PEX2: variants seen among roughly 807,000 people sequenced by gnomAD.
PEX2 encodes peroxisomal biogenesis factor 2.
In PEX2, 19 loss-of-function variants were observed where a neutral mutation model predicts 25.2. The observed-to-expected ratio is 0.75, with a 90% CI of 0.53 to 1.10. The LOEUF (loss-of-function observed/expected upper bound fraction) is 1.10, where lower values mean the gene tolerates loss of function less well. PEX2 is among the 50% of genes least tolerant of loss of function. The pLI is 0.00. For missense variants in PEX2, 347 were observed against 350.6 expected (o/e 0.99, Z 0.08); for synonymous variants, 141 against 127.7 (o/e 1.10, Z -0.70).
At position 76,981,106 on chromosome 8, in the gene PEX2, C is replaced by T. The variant is rs1806809537; in HGVS notation, c.*2155G>A. On this transcript the variant is annotated 3_prime_UTR_variant, in exon 4 of 4. Coordinates refer to ENST00000357039, the MANE Select transcript of PEX2 (RefSeq NM_000318.3). ...TATTCACAACAGAAAGTGAAAAGAA[C>T]CTAAATGCTCTATGATGGTGGTTAA... is the stretch of plus-strand genomic sequence containing the variant. 1 of 152,164 alleles carries T rather than the reference C, an allele frequency of 6.6e-6. No individual in the cohort carries two copies. Among genetic ancestry groups the T allele is most frequent in the African/African-American group, 2.4e-5 (1 of 41,420 alleles). The allele number at this position is 152,164 out of a possible 1,614,324, so 9.4% of individuals were successfully genotyped here.
chr8:76,999,433 C>G (rs1053648765), intron 1 of PEX2, among the ~76,000 whole-genome samples: 3 of 152,174 alleles, frequency 2.0e-5, no homozygotes, highest in African/African-American at 7.2e-5. Context: ...GATTTCTTAT[C>G]AAAAGTCAAC....
chr8:76,989,187 A>C (rs1807092544), intron 1 of PEX2, among the ~76,000 whole-genome samples: 3 of 151,996 alleles, frequency 2.0e-5, no homozygotes, highest in Non-Finnish European at 4.4e-5. Context: ...TTCAAAAAAA[A>C]AAAAAGAGGG....
In PEX2 at chr8:76,982,930, C is replaced by T; in HGVS notation, c.*331G>A. On this transcript the variant is annotated 3_prime_UTR_variant, in exon 4 of 4. Coordinates refer to ENST00000357039, the MANE Select transcript of PEX2 (RefSeq NM_000318.3). ...TAAATGCACACTCATCCCAGAGTCTCCAAAATCTTTATCTTTAGAATCCAA... is the reference window on the plus strand; with the variant it reads ...TAAATGCACACTCATCCCAGAGTCTTCAAAATCTTTATCTTTAGAATCCAA... 7.8e-6 allele frequency: 3 copies of T among 382,666 alleles called. No homozygotes were observed. The highest frequency in any genetic ancestry group is 1.4e-5 in the Non-Finnish European group (3 of 220,768). The allele number at this position is 382,666 out of a possible 1,614,324, so 23.7% of individuals were successfully genotyped here.
chr8:76,993,445 T>C (rs1412815152), intron 1 of PEX2, among the ~76,000 whole-genome samples: 1 of 152,126 alleles, frequency 6.6e-6, no homozygotes, highest in Non-Finnish European at 1.5e-5. Context: ...ATACTATCCT[T>C]TCACATTTTT....
At position 76,983,229 on chromosome 8, in the gene PEX2, ATTT is replaced by A; in HGVS notation, c.*29_*31del. On this transcript the variant is annotated 3_prime_UTR_variant, in exon 4 of 4. Coordinates refer to ENST00000357039, the MANE Select transcript of PEX2 (RefSeq NM_000318.3). Reference sequence around the variant, plus strand: ...AATATTAAGAATTTAAACACGGTGCATTTTTTTCCTCAAAGGAAGCAATTTTAG... The same window carrying A: ...AATATTAAGAATTTAAACACGGTGCATTTTCCTCAAAGGAAGCAATTTTAG... The A allele has an allele frequency of 6.2e-7, 1 of 1,606,176 alleles. No individual in the cohort carries two copies.
intron 2 of PEX2, among the ~76,000 whole-genome samples, chr8:76,987,310 C>T (rs1417162877): frequency 2.0e-5 from 3 of 152,108 alleles, no homozygotes; most frequent in Admixed American, 2.0e-4. Flanking sequence ...GAGAAGGCTT[C>T]CTGGGAGAGG....
At position 76,980,767 on chromosome 8, in the gene PEX2, CA is replaced by C. The variant is rs1806794754; in HGVS notation, c.*2493del. ...CGACTCAGAGTAATACTGACAACAG[CA>C]AAGGAAAGCACTACTATTATATTCT... is the stretch of plus-strand genomic sequence containing the variant. On this transcript the variant is annotated 3_prime_UTR_variant, in exon 4 of 4. Coordinates refer to ENST00000357039, the MANE Select transcript of PEX2 (RefSeq NM_000318.3). 6.6e-6 allele frequency: 1 copy of C among 152,170 alleles called. No homozygotes were observed. Among genetic ancestry groups the C allele is most frequent in the African/African-American group, 2.4e-5 (1 of 41,446 alleles). The allele number at this position is 152,170 out of a possible 1,614,324, so 9.4% of individuals were successfully genotyped here.
At chr8:76,994,278 T>C (rs79598129) in intron 1 of PEX2, among the ~76,000 whole-genome samples, 4,072 of 152,234 alleles carry the variant, frequency 0.027, 190 homozygotes, top group African/African-American at 0.092. Context: ...AACAAATGAC[T>C]GTATCTCACT....
intron 2 of PEX2, 135 bp downstream of exon 2, chr8:76,988,168 TAAAG>T (rs899683522): frequency 1.3e-5 from 2 of 152,220 alleles, no homozygotes; most frequent in Non-Finnish European, 2.9e-5. Flanking sequence ...GTGTCTATGA[TAAAG>T]ATACATATAT....
rs1301506897 is a variant in PEX2 at position 76,981,319 on chromosome 8, A to T, written c.*1942T>A. 2 of 152,164 alleles carry T rather than the reference A, an allele frequency of 1.3e-5. No homozygotes were observed. The highest frequency in any genetic ancestry group is 2.9e-5 in the Non-Finnish European group (2 of 68,076). 9.4% of individuals were successfully genotyped at this position (152,164 alleles called of 1,614,324 possible). On this transcript the variant is annotated 3_prime_UTR_variant, in exon 4 of 4. Coordinates refer to ENST00000357039, the MANE Select transcript of PEX2 (RefSeq NM_000318.3). ...GACCTCATCTCTACAAAAATTAGCC[A>T]GGCATGGTGGTATGGGCCTGTGGTC...
Position 76,982,643 on chromosome 8 carries a change from T to C in PEX2, c.*618A>G, listed in dbSNP as rs1221920198. ...TGGCTAACACAGTGAACCCCATCTC[T>C]ACTAAAAATACAAAAATTACCCGGG... is the stretch of plus-strand genomic sequence containing the variant. On this transcript the variant is annotated 3_prime_UTR_variant, in exon 4 of 4. Transcript: ENST00000357039. 6.5e-6 allele frequency: 1 copy of C among 154,114 alleles called. No individual in the cohort carries two copies. Among genetic ancestry groups the C allele is most frequent in the African/African-American group, 2.4e-5 (1 of 41,416 alleles). 9.5% of individuals were successfully genotyped at this position (154,114 alleles called of 1,614,324 possible). A position where few individuals can be genotyped will look rare whatever the true frequency, so the allele number is the denominator to read the frequency against.
At position 76,983,822 on chromosome 8, in the gene PEX2, T is replaced by C; in HGVS notation, c.357A>G (p.Arg119=). 1 of 1,614,190 alleles carries C rather than the reference T, an allele frequency of 6.2e-7. No homozygotes were observed. The highest frequency in any genetic ancestry group is 8.5e-7 in the Non-Finnish European group (1 of 1,180,020). ...GATGGTTTCGAAACAAATCATAGCA[T>C]CGTTCTTCTAACCACCTGCCACCAA... The part of the protein sequence containing the change: ...CTIGGRWLEE[R]CYDLFRNHHL... Residue 119 remains arginine (R), a synonymous_variant, in exon 4 of 4, where the codon CGA becomes CGG. Transcript: ENST00000357039.
At chr8:76,992,736 C>G (rs1440798043) in intron 1 of PEX2, among the ~76,000 whole-genome samples, 1 of 152,172 alleles carries the variant, frequency 6.6e-6, no homozygotes, top group East Asian at 1.9e-4. Context: ...ATATACTGGA[C>G]ACCTATCAAA....
rs1298720980 is a variant in PEX2 at position 76,981,010 on chromosome 8, C to G, written c.*2251G>C. 1.3e-5 allele frequency: 2 copies of G among 152,164 alleles called. No homozygotes were observed. Among genetic ancestry groups the G allele is most frequent in the Non-Finnish European group, 2.9e-5 (2 of 68,036 alleles). The allele number at this position is 152,164 out of a possible 1,614,324, so 9.4% of individuals were successfully genotyped here. ...TGTCTCAAAGAGAACCATCTGAGCA[C>G]CTACATCCAGACTGGGCCTGCAGTG... On this transcript the variant is annotated 3_prime_UTR_variant, in exon 4 of 4. Transcript: ENST00000357039.
At chr8:76,987,420 G>A (rs976708983) in intron 2 of PEX2, among the ~76,000 whole-genome samples, 6 of 152,114 alleles carry the variant, frequency 3.9e-5, no homozygotes, top group African/African-American at 1.4e-4. Context: ...AAGGACTAGA[G>A]GTGCACAGAT....
At chr8:76,993,251 T>C (rs1807226100) in intron 1 of PEX2, among the ~76,000 whole-genome samples, 1 of 152,054 alleles carries the variant, frequency 6.6e-6, no homozygotes, top group South Asian at 2.1e-4. Context: ...GGATATAAAT[T>C]TCAAAAGATT....
rs1199213012 is a variant in PEX2, at chr8:76,980,905, T to C, written c.*2356A>G. The C allele has an allele frequency of 1.3e-5, 2 of 152,182 alleles. No homozygotes were observed. Among genetic ancestry groups the C allele is most frequent in the Non-Finnish European group, 2.9e-5 (2 of 68,044 alleles). 9.4% of individuals were successfully genotyped at this position (152,182 alleles called of 1,614,324 possible). ...CACATTGCCCTAGGTTATACACAAG[T>C]GGGATTTGAATTCTAGCGGAATCTG... is the stretch of plus-strand genomic sequence containing the variant. On this transcript the variant is annotated 3_prime_UTR_variant, in exon 4 of 4. Coordinates refer to ENST00000357039, the MANE Select transcript of PEX2 (RefSeq NM_000318.3).
intron 1 of PEX2, among the ~76,000 whole-genome samples, chr8:76,993,207 G>C (rs1332141278): frequency 6.6e-6 from 1 of 152,122 alleles, no homozygotes; most frequent in Non-Finnish European, 1.5e-5. Context: ...GATTCTGTAG[G>C]CATGAATAAT....
Position 76,981,644 on chromosome 8 carries a change from A to AT in PEX2, c.*1616dup, listed in dbSNP as rs1197651395. On this transcript the variant is annotated 3_prime_UTR_variant, in exon 4 of 4. Transcript: ENST00000357039. ...ATATTTATACATAGGAAAAAATGCTATTTTTTATGCATTATAATAATTTTG... is the reference window on the plus strand; with the variant it reads ...ATATTTATACATAGGAAAAAATGCTATTTTTTTATGCATTATAATAATTTTG... The AT allele has an allele frequency of 1.3e-5, 2 of 151,144 alleles. No homozygotes were observed. The highest frequency in any genetic ancestry group is 1.9e-4 in the East Asian group (1 of 5,190). 9.4% of individuals were successfully genotyped at this position (151,144 alleles called of 1,614,324 possible). A position where few individuals can be genotyped will look rare whatever the true frequency, so the allele number is the denominator to read the frequency against.
Sources: gnomAD v4.1 joint callset for allele counts (sites outside exome capture counted in the v4.1 genomes callset) on GRCh38, gnomAD v4.1.1 for gene constraint, MANE v1.5 for transcripts, NCBI Gene and HGNC (gene_info 2026-07-23, HGNC 2026-07-21) for gene names.